The following DHX8 variants were observed in gnomAD, a reference collection of about 807,000 sequenced individuals.
The protein encoded by DHX8 is DEAH-box helicase 8.
A neutral mutation model predicts 140.7 loss-of-function variants in DHX8; 67 were observed. The observed-to-expected ratio is 0.48, with a 90% CI of 0.39 to 0.58. The LOEUF is 0.58. DHX8 is among the 20% of genes least tolerant of loss of function. DHX8 has a pLI of 0.00. For missense variants in DHX8, 887 were observed against 1,550.7 expected, an observed-to-expected ratio of 0.57 and a Z score of 7.19; for synonymous variants, 533 against 553.2, an observed-to-expected ratio of 0.96 and a Z score of 0.51.
downstream of DHX8, chr17:43,529,102 C>A: frequency 6.2e-7 from 1 of 1,604,908 alleles, no homozygotes; most frequent in South Asian, 1.1e-5. Context: ...CCACTGCCCC[C>A]CACCACCTTG....
intron 20 of DHX8, among the ~76,000 whole-genome samples, chr17:43,521,082 C>T (rs2154586887): frequency 6.6e-6 from 1 of 151,000 alleles, no homozygotes; most frequent in Non-Finnish European, 1.5e-5. Context: ...CCTGCCTCAG[C>T]CTCCAGAGCA....
intron 2 of DHX8, chr17:43,536,377 C>G (rs1181337123): frequency 7.2e-6 from 11 of 1,520,540 alleles, no homozygotes; most frequent in African/African-American, 1.4e-5. Flanking sequence ...TGACTCACTT[C>G]CTGCCATCCT....
At chr17:43,501,919 A>G (rs60442473) in intron 11 of DHX8, among the ~76,000 whole-genome samples, 36,655 of 152,032 alleles carry the variant, frequency 0.24, 4,525 homozygotes, top group Middle Eastern at 0.33. Flanking sequence ...GAAGAGAGAG[A>G]ATGGTGGCTT....
chr17:43,544,390 A>G (rs916836695), exon 4 of DHX8: 4 of 152,884 alleles, frequency 2.6e-5, no homozygotes, highest in African/African-American at 9.6e-5. Flanking sequence ...TTAGAATTAC[A>G]ATCAAGGCTA....
downstream of DHX8, chr17:43,528,638 G>A (rs1411056055): frequency 3.1e-6 from 5 of 1,614,052 alleles, no homozygotes; most frequent in Admixed American, 5.0e-5. Context: ...CTGACAGGCC[G>A]GTCAAACTCA....
chr17:43,526,318 G>A (rs141686245), downstream of DHX8: 19 of 1,420,150 alleles, frequency 1.3e-5, no homozygotes, highest in Admixed American at 5.3e-5. Flanking sequence ...CCCCCACCCC[G>A]CGAGAACCAA....
At chr17:43,515,120 C>T (rs951432977) in intron 17 of DHX8, among the ~76,000 whole-genome samples, 1 of 151,776 alleles carries the variant, frequency 6.6e-6, no homozygotes, top group Non-Finnish European at 1.5e-5. Flanking sequence ...GTATTACTTT[C>T]ATAATTTGTG....
chr17:43,529,007 T>C, downstream of DHX8: 1 of 941,194 alleles, frequency 1.1e-6, no homozygotes, highest in Non-Finnish European at 1.7e-6. Flanking sequence ...CACAATTTCT[T>C]GTCTCTCTGA....
In DHX8 at chr17:43,521,494, G is replaced by A; in HGVS notation, c.3192G>A (p.Glu1064=). The A allele has an allele frequency of 6.2e-7, 1 of 1,613,860 alleles. No homozygotes were observed. Among genetic ancestry groups the A allele is most frequent in the East Asian group, 2.2e-5 (1 of 44,820 alleles). ...NNKFSNPWCY[E]NFIQARSLRR... ...AGTTCTCCAACCCATGGTGCTATGA[G>A]AACTTTATCCAGGCTCGTTCCCTGC... Residue 1064 remains glutamate (E), a synonymous_variant, in exon 21 of 23, where the codon GAG becomes GAA. Transcript: ENST00000262415.
chr17:43,499,455 C>T (rs970788478), intron 10 of DHX8, among the ~76,000 whole-genome samples: 18 of 152,268 alleles, frequency 1.2e-4, no homozygotes, highest in South Asian at 6.2e-4. Context: ...TTATAATCCA[C>T]GCATATCATT....
At chr17:43,508,169 A>T in intron 15 of DHX8, 150 bp downstream of exon 15, 2 of 1,155,264 alleles carry the variant, frequency 1.7e-6, no homozygotes, top group Non-Finnish European at 2.4e-6. Context: ...TATGTTTGAA[A>T]TGATGGTGGT....
chr17:43,537,341 G>A (rs1567712813), intron 3 of DHX8, among the ~76,000 whole-genome samples: 3 of 151,970 alleles, frequency 2.0e-5, no homozygotes, highest in Non-Finnish European at 4.4e-5. Context: ...CTCCAGCCTG[G>A]GCAACAAGAG....
Position 43,491,200 on chromosome 17 carries a change from C to T in DHX8, c.343C>T (p.Leu115=). 6.5e-7 allele frequency: 1 copy of T among 1,541,446 alleles called. No homozygotes were observed. The highest frequency in any genetic ancestry group is 8.7e-7 in the Non-Finnish European group (1 of 1,144,044). Reference sequence around the variant, plus strand: ...TAAACCTAAAACAGAAAAAGAAAAGCTGAAGGAACTCTTCCCAGTCCTTTG... The same window carrying T: ...TAAACCTAAAACAGAAAAAGAAAAGTTGAAGGAACTCTTCCCAGTCCTTTG... ...VVKPKTEKEK[L]KELFPVLCQP... is the part of the protein sequence containing the mutation. The change falls in exon 4 of 23, where the codon CTG becomes TTG. Residue 115 remains leucine, a synonymous_variant. Coordinates refer to ENST00000262415, the MANE Select transcript of DHX8 (RefSeq NM_004941.3).
At chr17:43,513,198 C>T (rs1969937675) in intron 16 of DHX8, among the ~76,000 whole-genome samples, 164 bp from the exon 17 acceptor site, 1 of 152,140 alleles carries the variant, frequency 6.6e-6, no homozygotes, top group Non-Finnish European at 1.5e-5. Context: ...AGGTACCTCC[C>T]TTCTGCTGTT....
intron 10 of DHX8, 104 bp downstream of exon 10, chr17:43,499,063 A>G: frequency 3.7e-6 from 3 of 818,982 alleles, no homozygotes; most frequent in Non-Finnish European, 5.7e-6. Context: ...TGGGCCACAG[A>G]AAGTATTACT....
chr17:43,534,363 G>A (rs1410827539), intron 2 of DHX8, among the ~76,000 whole-genome samples: 1 of 151,902 alleles, frequency 6.6e-6, no homozygotes, highest in African/African-American at 2.4e-5. Flanking sequence ...GGATGGTGGC[G>A]GATGCCTGTA....
intron 17 of DHX8, among the ~76,000 whole-genome samples, chr17:43,515,026 A>G (rs1304928893): frequency 6.6e-6 from 1 of 152,062 alleles, no homozygotes; most frequent in Non-Finnish European, 1.5e-5. Flanking sequence ...ATGTTAGCCA[A>G]GATTATTTAT....
downstream of DHX8, chr17:43,530,238 GGGA>G (rs1260472251): frequency 1.3e-6 from 2 of 1,551,036 alleles, no homozygotes; most frequent in Non-Finnish European, 8.7e-7. Flanking sequence ...TCGAGGGCAG[GGGA>G]GGAGGAAGTC....
chr17:43,510,197 T>G (rs1969740613), intron 16 of DHX8, among the ~76,000 whole-genome samples: 1 of 151,966 alleles, frequency 6.6e-6, no homozygotes, highest in South Asian at 2.1e-4. Flanking sequence ...TACAGGCATG[T>G]GCCACCACAC....
Sources: allele counts gnomAD v4.1 joint callset (sites outside exome capture counted in the v4.1 genomes callset), GRCh38; gene constraint gnomAD v4.1.1; transcripts MANE v1.5; gene names NCBI Gene and HGNC (gene_info 2026-07-23, HGNC 2026-07-21).